The following KCNK2 variants were observed in gnomAD, a reference collection of about 807,000 sequenced individuals.
KCNK2 encodes potassium channel subfamily K member 2.
In KCNK2, 21 loss-of-function variants were observed where a neutral mutation model predicts 40.5. The ratio of observed to expected loss-of-function variants is 0.52; its 90% CI spans 0.37 to 0.75. The LOEUF (loss-of-function observed/expected upper bound fraction) is 0.75, where lower values mean the gene tolerates loss of function less well. KCNK2 is among the 30% of genes least tolerant of loss of function. The probability of loss-of-function intolerance (pLI) is 0.00; values close to 1 mark genes in which losing one functional copy is unlikely to be tolerated. For synonymous variants in KCNK2, 191 were observed against 202.2 expected (o/e 0.94, Z 0.47); for missense variants, 399 against 531.6 (o/e 0.75, Z 2.45).
At chr1:215,085,364 T>TA (rs1659383909) in intron 1 of KCNK2, among the ~76,000 whole-genome samples, 2 of 152,190 alleles carry the variant, frequency 1.3e-5, no homozygotes, top group Non-Finnish European at 2.9e-5. Context: ...CTGTAGTAGG[T>TA]GTTTTATTTT....
At chr1:215,015,983 C>G (rs979341219) in intron 1 of KCNK2, among the ~76,000 whole-genome samples, 1 of 152,166 alleles carries the variant, frequency 6.6e-6, no homozygotes, top group Non-Finnish European at 1.5e-5. Flanking sequence ...CCTCTAGCCT[C>G]TTTCTGGAGA....
chr1:215,007,319 T>C (rs1656217929), intron 1 of KCNK2, among the ~76,000 whole-genome samples: 1 of 144,308 alleles, frequency 6.9e-6, no homozygotes, highest in Non-Finnish European at 1.5e-5. Context: ...TTGCTGAGGG[T>C]TGATGGGTTG....
chr1:215,174,646 T>C (rs906716089), intron 5 of KCNK2, among the ~76,000 whole-genome samples: 1 of 152,218 alleles, frequency 6.6e-6, no homozygotes, highest in East Asian at 1.9e-4. Flanking sequence ...TTTTATTTTG[T>C]TGAGCAGTGG....
At chr1:215,189,385 G>T (rs182924871) in intron 5 of KCNK2, among the ~76,000 whole-genome samples, 248 of 152,242 alleles carry the variant, frequency 1.6e-3, no homozygotes, top group South Asian at 2.9e-3. Flanking sequence ...TCTAGATTGA[G>T]ATTTAAAGAC....
intron 3 of KCNK2, among the ~76,000 whole-genome samples, chr1:215,143,793 T>G (rs1428177061): frequency 6.6e-6 from 1 of 152,136 alleles, no homozygotes; most frequent in Non-Finnish European, 1.5e-5. Flanking sequence ...AAATTTTAAG[T>G]GAACTGATGA....
chr1:215,098,438 G>A (rs1660073798), intron 2 of KCNK2, among the ~76,000 whole-genome samples: 1 of 151,816 alleles, frequency 6.6e-6, no homozygotes, highest in African/African-American at 2.4e-5. Flanking sequence ...CACGTGACAA[G>A]GATAAGCTTC....
At chr1:215,078,487 A>C (rs1659033357), upstream of KCNK2, among the ~76,000 whole-genome samples, 1 of 152,228 alleles carries the variant, frequency 6.6e-6, no homozygotes, top group African/African-American at 2.4e-5. Flanking sequence ...CTTCCAGGGC[A>C]GCAGGAGAGA....
intron 1 of KCNK2, among the ~76,000 whole-genome samples, chr1:215,076,842 A>G (rs1229111887): frequency 6.6e-6 from 1 of 152,180 alleles, no homozygotes. Flanking sequence ...TTGCATTGCA[A>G]TGTTTCAATT....
rs544096235 is a variant in KCNK2, at chr1:215,083,589, A to G, written c.46+158A>G. The G allele has an allele frequency of 6.3e-5, 40 of 635,520 alleles. No homozygotes were observed. In the African/African-American group the frequency reaches 6.7e-4, roughly 11 times the overall value. The allele number at this position is 635,520 out of a possible 1,614,324, so 39.4% of individuals were successfully genotyped here. ...GGGTCATAATCTGGATTTGGAGGCA[A>G]ACCCTTGCCAGATCCTCTCCACGCC... On this transcript the variant is annotated intron_variant, in intron 1 of 6. Coordinates refer to ENST00000444842, the MANE Select transcript of KCNK2 (RefSeq NM_001017425.3).
intron 1 of KCNK2, among the ~76,000 whole-genome samples, chr1:215,071,029 C>A (rs1040447189): frequency 5.7e-4 from 87 of 152,242 alleles, no homozygotes; most frequent in African/African-American, 1.9e-3. Flanking sequence ...TATGAAGAAA[C>A]AGATTCCATG....
At chr1:215,123,785 A>T (rs563723672) in intron 2 of KCNK2, among the ~76,000 whole-genome samples, 1 of 152,292 alleles carries the variant, frequency 6.6e-6, no homozygotes, top group South Asian at 2.1e-4. Context: ...CAACTGAAAC[A>T]TCATCCTCTG....
At chr1:215,039,181 C>T (rs1024525621) in intron 1 of KCNK2, among the ~76,000 whole-genome samples, 10 of 152,106 alleles carry the variant, frequency 6.6e-5, no homozygotes, top group South Asian at 6.2e-4. Flanking sequence ...CTTGCCCATA[C>T]ACTAAAGCTA....
intron 3 of KCNK2, among the ~76,000 whole-genome samples, chr1:215,138,518 C>T (rs75995798): frequency 0.03 from 4,563 of 152,076 alleles, 95 homozygotes; most frequent in South Asian, 0.058. Flanking sequence ...CCCATCACTT[C>T]GGGAGGCCAA....
At position 215,082,786 on chromosome 1, in the gene KCNK2, G is replaced by C. The variant is rs1007530439; in HGVS notation, c.-600G>C. Among the ~76,000 whole-genome samples the C allele has an allele frequency of 7.6e-4, 115 of 152,184 alleles. No individual in the cohort carries two copies. Among genetic ancestry groups the C allele is most frequent in the African/African-American group, 2.7e-3 (111 of 41,576 alleles). On this transcript the variant is annotated 5_prime_UTR_variant, in exon 1 of 7. Coordinates refer to ENST00000444842, the MANE Select transcript of KCNK2 (RefSeq NM_001017425.3). ...GAGCGAGCCGGGAAGGGAGAGCAGC[G>C]GAGGGCTGCAGAGCTGCGGGCGCCC...
intron 6 of KCNK2, among the ~76,000 whole-genome samples, chr1:215,230,559 C>CATAT (rs71167818): frequency 0.027 from 2,953 of 108,906 alleles, 232 homozygotes; most frequent in African/African-American, 0.11. Flanking sequence ...ACATAACAGC[C>CATAT]ATATATATAT....
chr1:215,209,498 A>ATATATATTATATAT, intron 6 of KCNK2, among the ~76,000 whole-genome samples: 2 of 44,622 alleles, frequency 4.5e-5, no homozygotes, highest in African/African-American at 1.6e-4. Flanking sequence ...CATATATATA[A>ATATATATTATATAT]TATATAATAT....
At chr1:215,091,341 G>A (rs1023888006) in intron 2 of KCNK2, among the ~76,000 whole-genome samples, 4 of 152,148 alleles carry the variant, frequency 2.6e-5, no homozygotes, top group African/African-American at 9.7e-5. Flanking sequence ...CCATACCAGG[G>A]AGGTGGGCTT....
At chr1:215,179,099 G>A (rs143259234) in intron 5 of KCNK2, among the ~76,000 whole-genome samples, 4,656 of 151,864 alleles carry the variant, frequency 0.031, 95 homozygotes, top group South Asian at 0.059. Flanking sequence ...TGTGTTTATG[G>A]GAATTTATTT....
upstream of KCNK2, among the ~76,000 whole-genome samples, chr1:215,078,170 G>A (rs934896561): frequency 6.6e-6 from 1 of 152,186 alleles, no homozygotes; most frequent in Non-Finnish European, 1.5e-5. Flanking sequence ...TTATGAATTT[G>A]TGTGGGGCCA....
Sources: gnomAD v4.1 joint callset for allele counts (sites outside exome capture counted in the v4.1 genomes callset) on GRCh38, gnomAD v4.1.1 for gene constraint, MANE v1.5 for transcripts, NCBI Gene and HGNC (gene_info 2026-07-23, HGNC 2026-07-21) for gene names.